Variants in COG5 observed in about 807,000 individuals in gnomAD.
The protein encoded by COG5 is component of oligomeric golgi complex 5.
In COG5, 86 loss-of-function variants were observed where a neutral mutation model predicts 110.4. The ratio of observed to expected loss-of-function variants is 0.78; its 90% CI spans 0.65 to 0.93. The LOEUF (loss-of-function observed/expected upper bound fraction) is 0.93, where lower values mean the gene tolerates loss of function less well. COG5 is among the 40% of genes least tolerant of loss of function. The probability of loss-of-function intolerance (pLI) is 0.00; values close to 1 mark genes in which losing one functional copy is unlikely to be tolerated. For missense variants in COG5, 1,077 were observed against 987.0 expected, an observed-to-expected ratio of 1.09 and a Z score of -1.22; for synonymous variants, 360 against 334.6, an observed-to-expected ratio of 1.08 and a Z score of -0.83.
intron 6 of COG5, among the ~76,000 whole-genome samples, chr7:107,446,390 G>A (rs141074810): frequency 1.7e-4 from 26 of 152,134 alleles, no homozygotes; most frequent in African/African-American, 5.8e-4. Context: ...TAGGTAATAC[G>A]GAACTGACAG....
At chr7:107,264,565 G>A (rs1410231940) in intron 14 of COG5, among the ~76,000 whole-genome samples, 1 of 151,848 alleles carries the variant, frequency 6.6e-6, no homozygotes, top group Non-Finnish European at 1.5e-5. Flanking sequence ...GGTGGTACGC[G>A]CCTGTAGGTC....
intron 14 of COG5, 42 bp from the exon 15 acceptor site, chr7:107,258,425 TTCTCTCTCTCTC>T (rs71134258): frequency 3.0e-5 from 27 of 886,442 alleles, no homozygotes; most frequent in African/African-American, 6.7e-5. Flanking sequence ...AGAATGATAA[TTCTCTCTCTCTC>T]TCTCTCTCTC....
intron 6 of COG5, among the ~76,000 whole-genome samples, chr7:107,438,891 C>CGAAA (rs770494354): frequency 6.6e-6 from 1 of 152,148 alleles, no homozygotes; most frequent in Non-Finnish European, 1.5e-5. Context: ...GCATTGTTTT[C>CGAAA]TCCTTTATCC....
At chr7:107,273,125 C>T (rs1804416174) in intron 14 of COG5, among the ~76,000 whole-genome samples, 1 of 152,164 alleles carries the variant, frequency 6.6e-6, no homozygotes, top group African/African-American at 2.4e-5. Context: ...ACCCTATCTA[C>T]TGCTGGTAGC....
chr7:107,326,634 G>T (rs540688795), intron 10 of COG5, among the ~76,000 whole-genome samples: 16 of 152,248 alleles, frequency 1.1e-4, no homozygotes, highest in African/African-American at 3.6e-4. Flanking sequence ...CGATATGGTT[G>T]AAAGAAATTA....
intron 6 of COG5, among the ~76,000 whole-genome samples, chr7:107,479,695 A>T (rs1209034295): frequency 1.3e-5 from 2 of 152,180 alleles, no homozygotes; most frequent in African/African-American, 4.8e-5. Context: ...TAACACAGGC[A>T]AAAACAAAAA....
intron 6 of COG5, among the ~76,000 whole-genome samples, chr7:107,525,973 T>C (rs980270391): frequency 7.2e-5 from 11 of 152,226 alleles, no homozygotes; most frequent in South Asian, 2.1e-4. Context: ...GCAAAACCTA[T>C]ATTTCAGCAG....
rs148807097 is a variant in COG5, at chr7:107,291,592, C to T, written c.1313+6550G>A. Among the ~76,000 whole-genome samples the T allele has an allele frequency of 1.6e-3, 245 of 152,326 alleles. 1 individual carries two copies. Among genetic ancestry groups the T allele is most frequent in the African/African-American group, 5.5e-3 (230 of 41,578 alleles). On this transcript the variant is annotated intron_variant, in intron 12 of 21. Transcript: ENST00000297135. The stretch of plus-strand genomic sequence containing the variant: ...CACCTTGAGATGGCAGTGCTAATGG[C>T]AGGATTATCTTCCTCATTTTTTTTC...
chr7:107,423,151 G>A (rs1302032451), intron 6 of COG5, among the ~76,000 whole-genome samples: 2 of 151,002 alleles, frequency 1.3e-5, no homozygotes, highest in African/African-American at 2.4e-5. Flanking sequence ...TCAAAAAAAG[G>A]CATCTTTCCT....
chr7:107,368,302 T>C (rs1474894446), intron 8 of COG5, among the ~76,000 whole-genome samples: 1 of 152,138 alleles, frequency 6.6e-6, no homozygotes, highest in Non-Finnish European at 1.5e-5. Context: ...AGTAAAATAC[T>C]TTTTATTTTA....
At chr7:107,428,230 G>C (rs1400509687) in intron 6 of COG5, among the ~76,000 whole-genome samples, 1 of 152,026 alleles carries the variant, frequency 6.6e-6, no homozygotes, top group Non-Finnish European at 1.5e-5. Flanking sequence ...TTGAAGGTGG[G>C]GTTTCATCAG....
chr7:107,275,671 G>A (rs776916196), intron 14 of COG5, among the ~76,000 whole-genome samples: 5 of 151,506 alleles, frequency 3.3e-5, no homozygotes, highest in Admixed American at 6.6e-5. Context: ...TTCTCCTGGC[G>A]CGCCACCACA....
chr7:107,471,719 GA>G (rs1796644447), intron 6 of COG5: 1 of 151,938 alleles, frequency 6.6e-6, no homozygotes, highest in African/African-American at 2.4e-5. Context: ...AAAAAGAAAA[GA>G]AAATACTTTA....
chr7:107,379,921 C>T lies in COG5; in HGVS notation c.670-7161G>A, dbSNP rs1303077331. ...GACTTGAACCCTGCTCTGGACCAAGCGGACCTAATAGTCATCTACAGAACT... is the reference window on the plus strand; with the variant it reads ...GACTTGAACCCTGCTCTGGACCAAGTGGACCTAATAGTCATCTACAGAACT... On this transcript the variant is annotated intron_variant, in intron 7 of 21. Coordinates refer to ENST00000297135, the MANE Select transcript of COG5 (RefSeq NM_006348.5). 5.9e-5 allele frequency among the ~76,000 whole-genome samples: 9 copies of T among 152,132 alleles called. No homozygotes were observed. In the South Asian group the frequency reaches 6.2e-4, roughly 11 times the overall value.
At chr7:107,261,635 T>C (rs1803360012) in intron 14 of COG5, among the ~76,000 whole-genome samples, 1 of 152,164 alleles carries the variant, frequency 6.6e-6, no homozygotes, top group African/African-American at 2.4e-5. Context: ...TTCAAATAGA[T>C]GATCCTTCCA....
intron 10 of COG5, among the ~76,000 whole-genome samples, chr7:107,334,384 TA>T (rs1166215562): frequency 6.6e-6 from 1 of 151,706 alleles, no homozygotes; most frequent in African/African-American, 2.4e-5. Flanking sequence ...TTGAAGATTA[TA>T]AAAAAAACTT....
At chr7:107,229,792 A>G (rs1041897496) in intron 19 of COG5, among the ~76,000 whole-genome samples, 2 of 146,158 alleles carry the variant, frequency 1.4e-5, no homozygotes, top group African/African-American at 5.0e-5. Flanking sequence ...ATTTATAGTC[A>G]TTCTCTGCAC....
chr7:107,474,759 A>G lies in COG5; in HGVS notation c.538+52478T>C. On this transcript the variant is annotated intron_variant, in intron 6 of 21. Transcript: ENST00000297135. This position sits in a 1 kb window ranked among gnomAD's most constrained non-coding sequence, Gnocchi z 5.7. ...TAGTAATGTTAATCACATACACCAA[A>G]ATACTTCAGGCTCTTAATATTCGAA... 1.2e-6 allele frequency: 2 copies of G among 1,611,026 alleles called. No homozygotes were observed. Among genetic ancestry groups the G allele is most frequent in the Non-Finnish European group, 8.5e-7 (1 of 1,178,506 alleles).
At chr7:107,550,622 C>A (rs996576882) in intron 3 of COG5, among the ~76,000 whole-genome samples, 1 of 152,092 alleles carries the variant, frequency 6.6e-6, no homozygotes, top group African/African-American at 2.4e-5. Context: ...TTGGCTCAAA[C>A]GTCATCTTCT....
Sources: allele counts gnomAD v4.1 joint callset (sites outside exome capture counted in the v4.1 genomes callset), GRCh38; gene constraint gnomAD v4.1.1; non-coding constraint Gnocchi (gnomAD v3.1); transcripts MANE v1.5; gene names NCBI Gene and HGNC (gene_info 2026-07-23, HGNC 2026-07-21).